Variants in LRFN5 observed in about 807,000 individuals in gnomAD.
LRFN5 encodes leucine-rich repeat and fibronectin type-III domain-containing protein 5.
In LRFN5, 24 loss-of-function variants were observed where a neutral mutation model predicts 45.6. That is an observed-to-expected ratio of 0.53 (90% CI 0.38 to 0.74). The LOEUF is 0.74. Among genes scored for constraint, LRFN5 ranks in the 30% least tolerant of loss-of-function variants. The pLI is 0.00. For missense variants in LRFN5, 776 were observed against 861.5 expected (o/e 0.90, Z 1.24); for synonymous variants, 340 against 313.8 (o/e 1.08, Z -0.88).
At chr14:41,808,637 G>A (rs1887631556) in intron 2 of LRFN5, among the ~76,000 whole-genome samples, 1 of 151,980 alleles carries the variant, frequency 6.6e-6, no homozygotes, top group South Asian at 2.1e-4. Flanking sequence ...TTCAGAAATA[G>A]TGTACCCAAT....
intron 1 of LRFN5, among the ~76,000 whole-genome samples, chr14:41,658,437 A>G (rs1566607199): frequency 6.6e-6 from 1 of 151,994 alleles, no homozygotes; most frequent in Non-Finnish European, 1.5e-5. Flanking sequence ...TAATTCATTG[A>G]TGATTCAGAC....
chr14:41,732,271 T>C (rs988489816), intron 1 of LRFN5, among the ~76,000 whole-genome samples: 1 of 152,128 alleles, frequency 6.6e-6, no homozygotes, highest in African/African-American at 2.4e-5. Flanking sequence ...TTGCTGATTT[T>C]GATGATTATG....
chr14:41,675,857 C>G (rs1343570204), intron 1 of LRFN5, among the ~76,000 whole-genome samples: 1 of 152,030 alleles, frequency 6.6e-6, no homozygotes, highest in Non-Finnish European at 1.5e-5. Flanking sequence ...TCACCTAAAG[C>G]CTGTGAAAAT....
chr14:41,892,984 C>T (rs1890833286), intron 4 of LRFN5: 2 of 984,796 alleles, frequency 2.0e-6, no homozygotes, highest in Admixed American at 6.2e-5. Context: ...ATTTTTATCA[C>T]CAAGTAAAAT....
At chr14:41,823,617 C>T (rs182864057) in intron 2 of LRFN5, among the ~76,000 whole-genome samples, 9 of 152,056 alleles carry the variant, frequency 5.9e-5, no homozygotes. Flanking sequence ...TGACTATGTG[C>T]CTTGGTGAAG....
At chr14:41,626,839 C>T (rs1425374584) in intron 1 of LRFN5, among the ~76,000 whole-genome samples, 1 of 151,964 alleles carries the variant, frequency 6.6e-6, no homozygotes, top group Non-Finnish European at 1.5e-5. Context: ...TGCTAAGATG[C>T]TATTCTAGAA....
chr14:41,757,440 TC>T (rs1885451488), intron 1 of LRFN5, among the ~76,000 whole-genome samples: 1 of 152,196 alleles, frequency 6.6e-6, no homozygotes, highest in African/African-American at 2.4e-5. Flanking sequence ...GTTTACCTAC[TC>T]AAGCCTCAGC....
chr14:41,742,913 C>T (rs571269255), intron 1 of LRFN5: 71 of 155,182 alleles, frequency 4.6e-4, no homozygotes, highest in Non-Finnish European at 5.6e-4. Context: ...ACTCTAGTAT[C>T]ATCCCTCCCA....
chr14:41,713,877 T>C (rs1883382434), intron 1 of LRFN5, among the ~76,000 whole-genome samples: 1 of 152,164 alleles, frequency 6.6e-6, no homozygotes, highest in Non-Finnish European at 1.5e-5. Flanking sequence ...AATGTAATAA[T>C]TCCAGATAAA....
At chr14:41,894,204 T>A in intron 4 of LRFN5, 2 of 985,292 alleles carry the variant, frequency 2.0e-6, no homozygotes, top group Non-Finnish European at 2.4e-6. Flanking sequence ...TCTGAAATCA[T>A]GCAACATTAG....
intron 2 of LRFN5, among the ~76,000 whole-genome samples, chr14:41,877,859 A>G (rs1269764498): frequency 6.6e-6 from 1 of 152,160 alleles, no homozygotes; most frequent in South Asian, 2.1e-4. Flanking sequence ...TGCTAAACAC[A>G]TCTTCCCGAA....
chr14:41,754,450 A>T (rs923941941), intron 1 of LRFN5, among the ~76,000 whole-genome samples: 2 of 151,986 alleles, frequency 1.3e-5, no homozygotes, highest in African/African-American at 4.8e-5. Flanking sequence ...AGAGCTTGTT[A>T]TTGGTCTATT....
intron 1 of LRFN5, among the ~76,000 whole-genome samples, chr14:41,612,252 C>G (rs1887782576): frequency 6.6e-6 from 1 of 152,102 alleles, no homozygotes; most frequent in Middle Eastern, 3.4e-3. Flanking sequence ...ATAATATCTA[C>G]TAAATTATAT....
chr14:41,746,303 C>CT (rs954420445), intron 1 of LRFN5, among the ~76,000 whole-genome samples: 4 of 152,062 alleles, frequency 2.6e-5, no homozygotes, highest in African/African-American at 9.6e-5. Flanking sequence ...AATTCACTAT[C>CT]TTTTCCTGAT....
chr14:41,855,268 G>T (rs982105302), intron 2 of LRFN5, among the ~76,000 whole-genome samples: 4 of 152,126 alleles, frequency 2.6e-5, no homozygotes, highest in Non-Finnish European at 5.9e-5. Context: ...ACAGATTGTG[G>T]ATAGCCTTTA....
intron 1 of LRFN5, among the ~76,000 whole-genome samples, chr14:41,665,957 A>C (rs868020936): frequency 2.0e-5 from 3 of 152,014 alleles, no homozygotes; most frequent in Non-Finnish European, 4.4e-5. Flanking sequence ...TTGTCAAGGA[A>C]TATTTTCTGT....
intron 1 of LRFN5, among the ~76,000 whole-genome samples, chr14:41,699,128 G>T (rs1472819192): frequency 6.6e-6 from 1 of 152,030 alleles, no homozygotes. Context: ...AGAAGAACAT[G>T]ATCAGTGCTT....
At chr14:41,842,445 C>T (rs1390919041) in intron 2 of LRFN5, among the ~76,000 whole-genome samples, 1 of 152,002 alleles carries the variant, frequency 6.6e-6, no homozygotes, top group Non-Finnish European at 1.5e-5. Flanking sequence ...AAAAAATGTT[C>T]TGTTAAAACA....
At chr14:41,883,458 G>T (rs527469938) in intron 2 of LRFN5, among the ~76,000 whole-genome samples, 1 of 152,064 alleles carries the variant, frequency 6.6e-6, no homozygotes, top group Non-Finnish European at 1.5e-5. Context: ...TTTTCCTTCA[G>T]CCTAAAGACA....
Sources: gnomAD v4.1 joint callset for allele counts (sites outside exome capture counted in the v4.1 genomes callset) on GRCh38, gnomAD v4.1.1 for gene constraint, MANE v1.5 for transcripts, NCBI Gene and HGNC (gene_info 2026-07-23, HGNC 2026-07-21) for gene names.